Variants in PLCL1 observed in about 807,000 individuals in gnomAD.
PLCL1 encodes inactive phospholipase C-like protein 1.
A neutral mutation model predicts 84.4 loss-of-function variants in PLCL1; 41 were observed. That is an observed-to-expected ratio of 0.49 (90% CI 0.38 to 0.63). The LOEUF (loss-of-function observed/expected upper bound fraction) is 0.63. Ranked by LOEUF, PLCL1 falls within the 30% of genes least tolerant of loss-of-function variation. The pLI is 0.00. For synonymous variants in PLCL1, 490 were observed against 488.3 expected (o/e 1.00, Z -0.05); for missense variants, 1,206 against 1,367.8 (o/e 0.88, Z 1.87).
chr2:197,804,815 G>A lies in PLCL1; in HGVS notation c.-285G>A. 2.9e-6 allele frequency: 1 copy of A among 346,116 alleles called. No homozygotes were observed. The highest frequency in any genetic ancestry group is 5.2e-6 in the Non-Finnish European group (1 of 191,492). The allele number at this position is 346,116 out of a possible 1,614,324, so 21.4% of individuals were successfully genotyped here. A position where few individuals can be genotyped will look rare whatever the true frequency, so the allele number is the denominator to read the frequency against. On this transcript the variant is annotated 5_prime_UTR_variant, in exon 1 of 6. Coordinates refer to ENST00000428675, the MANE Select transcript of PLCL1 (RefSeq NM_006226.4). ...TTTCGGATACCTCCCTCTCTTTTTCGCCTCTCCTTCTGCCTCCCGCTCACA... is the reference window on the plus strand; with the variant it reads ...TTTCGGATACCTCCCTCTCTTTTTCACCTCTCCTTCTGCCTCCCGCTCACA...
intron 1 of PLCL1, among the ~76,000 whole-genome samples, chr2:198,069,592 ATTAC>A (rs1692414305): frequency 1.3e-5 from 2 of 152,170 alleles, no homozygotes; most frequent in African/African-American, 4.8e-5. Flanking sequence ...ACCATTTCTT[ATTAC>A]TTATAATTAT....
chr2:198,040,625 T>A (rs1691637348), intron 1 of PLCL1, among the ~76,000 whole-genome samples: 1 of 152,182 alleles, frequency 6.6e-6, no homozygotes, highest in African/African-American at 2.4e-5. Context: ...TTCCAGCTTC[T>A]GAAAGGTTCT....
chr2:197,890,394 C>A (rs1472189882), intron 1 of PLCL1, among the ~76,000 whole-genome samples: 3 of 152,044 alleles, frequency 2.0e-5, no homozygotes, highest in South Asian at 4.1e-4. Flanking sequence ...GCAACACCAA[C>A]CTTTGGATCA....
At chr2:197,923,806 C>T (rs997639950) in intron 1 of PLCL1, among the ~76,000 whole-genome samples, 61 of 152,196 alleles carry the variant, frequency 4.0e-4, no homozygotes, top group Non-Finnish European at 7.4e-4. Context: ...CCAAGGCAGG[C>T]GGCTGGGAGG....
chr2:197,840,519 G>A (rs377017977), intron 1 of PLCL1, among the ~76,000 whole-genome samples: 1 of 151,994 alleles, frequency 6.6e-6, no homozygotes, highest in Non-Finnish European at 1.5e-5. Context: ...AAGCTACTTC[G>A]CTTTGTGTGT....
In PLCL1 at chr2:198,084,182, T is replaced by C; in HGVS notation, c.665T>C (p.Val222Ala). The C allele has an allele frequency of 6.2e-7, 1 of 1,614,084 alleles. No homozygotes were observed. The highest frequency in any genetic ancestry group is 8.5e-7 in the Non-Finnish European group (1 of 1,179,996). Residue 222 changes from valine to alanine, a missense_variant, in exon 2 of 6, where the codon GTT becomes GCT. Physicochemically the swap from Val to Ala is moderately conservative, Grantham distance 64 (BLOSUM62 0). Transcript: ENST00000428675. ...NIWVSGLRYL[V>A]SRSKQPLDFM... Reference sequence around the variant, plus strand: ...TGGGTGTCTGGGTTACGGTACCTGGTTTCTCGAAGTAAGCAGCCTCTTGAT... The same window carrying C: ...TGGGTGTCTGGGTTACGGTACCTGGCTTCTCGAAGTAAGCAGCCTCTTGAT...
chr2:198,027,402 G>T (rs1173013968), intron 1 of PLCL1, among the ~76,000 whole-genome samples: 1 of 152,092 alleles, frequency 6.6e-6, no homozygotes, highest in African/African-American at 2.4e-5. Context: ...ATTTAGTTAG[G>T]AGGAAAACGT....
chr2:198,141,137 C>G (rs1190196134), intron 5 of PLCL1, among the ~76,000 whole-genome samples: 1 of 152,100 alleles, frequency 6.6e-6, no homozygotes, highest in African/African-American at 2.4e-5. Flanking sequence ...TACTCTACGA[C>G]TATTCATCCA....
chr2:197,919,967 T>C (rs1688673441), intron 1 of PLCL1, among the ~76,000 whole-genome samples: 1 of 152,180 alleles, frequency 6.6e-6, no homozygotes. Context: ...TTCCCTAACC[T>C]CTTTGTGCTT....
intron 1 of PLCL1, among the ~76,000 whole-genome samples, chr2:198,031,890 A>G (rs954955864): frequency 6.6e-6 from 1 of 152,096 alleles, no homozygotes; most frequent in Non-Finnish European, 1.5e-5. Context: ...AACTAATGAT[A>G]ATTATTGCAT....
At chr2:197,898,571 T>G (rs894633628) in intron 1 of PLCL1, among the ~76,000 whole-genome samples, 1 of 151,840 alleles carries the variant, frequency 6.6e-6, no homozygotes. Context: ...GATCTTGGCA[T>G]CATGCCCAAG....
At chr2:197,883,805 T>C (rs1687871806) in intron 1 of PLCL1, among the ~76,000 whole-genome samples, 1 of 152,204 alleles carries the variant, frequency 6.6e-6, no homozygotes, top group Admixed American at 6.5e-5. Flanking sequence ...TAATTCTTCC[T>C]TATATCAAGT....
chr2:198,132,631 A>C (rs528806718), intron 5 of PLCL1, among the ~76,000 whole-genome samples: 21 of 152,260 alleles, frequency 1.4e-4, no homozygotes, highest in Admixed American at 6.5e-4. Flanking sequence ...TGACACTCAC[A>C]AAGTTGAATG....
chr2:198,137,302 A>G (rs1694276159), intron 5 of PLCL1, among the ~76,000 whole-genome samples: 1 of 152,150 alleles, frequency 6.6e-6, no homozygotes, highest in South Asian at 2.1e-4. Flanking sequence ...TGAAGGTTAT[A>G]AAAGGAGTCC....
chr2:197,996,269 G>T (rs1445503755), intron 1 of PLCL1, among the ~76,000 whole-genome samples: 2 of 152,108 alleles, frequency 1.3e-5, no homozygotes, highest in African/African-American at 2.4e-5. Context: ...TTTGAAGAAT[G>T]CACAGAGAGA....
chr2:198,006,843 A>G (rs1690739868), intron 1 of PLCL1, among the ~76,000 whole-genome samples: 1 of 152,226 alleles, frequency 6.6e-6, no homozygotes, highest in Non-Finnish European at 1.5e-5. Context: ...TCTGCCTTCT[A>G]GAAACTGAGC....
chr2:198,051,709 G>A (rs990484804), intron 1 of PLCL1, among the ~76,000 whole-genome samples: 1 of 152,082 alleles, frequency 6.6e-6, no homozygotes, highest in African/African-American at 2.4e-5. Flanking sequence ...TTGACTGGAA[G>A]TTTCTTTGGC....
chr2:198,084,804 T>C lies in PLCL1; in HGVS notation c.1287T>C (p.Asn429=), dbSNP rs1411838512. Reference sequence around the variant, plus strand: ...AGTTCAGGGGGCCAGCTGACATCAATGGGTACATTAGAGCTTTGAAAATGG... The same window carrying C: ...AGTTCAGGGGGCCAGCTGACATCAACGGGTACATTAGAGCTTTGAAAATGG... ...EDQFRGPADI[N]GYIRALKMGC... is the part of the protein sequence containing the mutation. The change falls in exon 2 of 6, where the codon AAT becomes AAC. Residue 429 remains asparagine (N), a synonymous_variant. Coordinates refer to ENST00000428675, the MANE Select transcript of PLCL1 (RefSeq NM_006226.4). 1.2e-6 allele frequency: 2 copies of C among 1,613,944 alleles called. No homozygotes were observed. The highest frequency in any genetic ancestry group is 2.7e-5 in the African/African-American group (2 of 74,920).
intron 1 of PLCL1, among the ~76,000 whole-genome samples, chr2:197,966,873 C>G (rs1313237062): frequency 1.1e-4 from 14 of 121,756 alleles, no homozygotes; most frequent in Non-Finnish European, 1.8e-4. Context: ...TTTTTTGAGA[C>G]AGAGTCTCGC....
Sources: allele counts gnomAD v4.1 joint callset (sites outside exome capture counted in the v4.1 genomes callset), GRCh38; gene constraint gnomAD v4.1.1; transcripts MANE v1.5; gene names NCBI Gene and HGNC (gene_info 2026-07-23, HGNC 2026-07-21).